PLA2G6: variants seen among roughly 807,000 people sequenced by gnomAD.
PLA2G6 encodes the protein 85/88 kDa calcium-independent phospholipase A2.
A neutral mutation model predicts 83.8 loss-of-function variants in PLA2G6; 62 were observed. The observed-to-expected ratio is 0.74, with a 90% CI of 0.60 to 0.91. PLA2G6 has a LOEUF of 0.91. Ranked by LOEUF, PLA2G6 falls within the 40% of genes least tolerant of loss-of-function variation. The pLI is 0.00. For missense variants in PLA2G6, 944 were observed against 1,102.0 expected (o/e 0.86, Z 2.03); for synonymous variants, 417 against 449.8 (o/e 0.93, Z 0.92).
intron 2 of PLA2G6, chr22:38,146,296 C>CA (rs1283898579): frequency 6.5e-6 from 1 of 154,850 alleles, no homozygotes; most frequent in Non-Finnish European, 1.4e-5. Flanking sequence ...CTCAGCCTCT[C>CA]AAAGTGCTAG....
At chr22:38,164,138 T>A (rs1469385486) in intron 2 of PLA2G6, among the ~76,000 whole-genome samples, 1 of 152,174 alleles carries the variant, frequency 6.6e-6, no homozygotes, top group Non-Finnish European at 1.5e-5. Context: ...GTATCTATGC[T>A]ATCATAGTGT....
At chr22:38,156,644 G>A (rs565037524) in intron 2 of PLA2G6, among the ~76,000 whole-genome samples, 4 of 151,900 alleles carry the variant, frequency 2.6e-5, no homozygotes, top group South Asian at 2.1e-4. Flanking sequence ...TAGTAGAGAC[G>A]GGGTTTCACT....
chr22:38,144,802 C>T (rs913345217), intron 3 of PLA2G6: 4 of 168,744 alleles, frequency 2.4e-5, no homozygotes, highest in East Asian at 1.8e-4. Flanking sequence ...AATAAGACTC[C>T]GTCTCAAAAT....
In PLA2G6 at chr22:38,174,197, C is replaced by T. The variant is rs563979331; in HGVS notation, c.-45-4726G>A. On this transcript the variant is annotated intron_variant, in intron 1 of 16. Coordinates refer to ENST00000332509, the MANE Select transcript of PLA2G6 (RefSeq NM_003560.4). ...GGATCACGAAATCAGGAGATTGAGA[C>T]CATCCTGGCTAACATGGTGAAACCC... Among the ~76,000 whole-genome samples the T allele has an allele frequency of 4.6e-5, 7 of 151,946 alleles. No individual in the cohort carries two copies. The South Asian group carries it at 6.2e-4, about 14-fold the overall frequency.
chr22:38,149,543 T>C (rs2145849014), intron 2 of PLA2G6: 1 of 152,302 alleles, frequency 6.6e-6, no homozygotes, highest in African/African-American at 2.4e-5. Flanking sequence ...ATAAAAGATC[T>C]AGCATACATA....
intron 2 of PLA2G6, among the ~76,000 whole-genome samples, chr22:38,168,847 C>G (rs2267367): frequency 0.067 from 10,138 of 151,998 alleles, 576 homozygotes; most frequent in East Asian, 0.31. Context: ...AAGACTGTCT[C>G]AAAAAACAAA....
intron 2 of PLA2G6, chr22:38,163,534 C>T (rs2090099177): frequency 5.9e-6 from 1 of 169,616 alleles, no homozygotes; most frequent in East Asian, 1.9e-4. Context: ...TGGAAACAGA[C>T]CCACGGCAAC....
At chr22:38,181,288 G>A (rs2090836595) in intron 1 of PLA2G6, among the ~76,000 whole-genome samples, 2 of 152,178 alleles carry the variant, frequency 1.3e-5, no homozygotes, top group African/African-American at 2.4e-5. Context: ...AGGGAGGAAA[G>A]GCAGGAGAAG....
intron 14 of PLA2G6, among the ~76,000 whole-genome samples, chr22:38,114,113 A>C (rs1602058712): frequency 6.6e-6 from 1 of 151,912 alleles, no homozygotes; most frequent in Non-Finnish European, 1.5e-5. Flanking sequence ...TCAGGCCGGG[A>C]AGCAGCTGCA....
rs1602305393 is a variant in PLA2G6, at chr22:38,179,059, T to C, written c.-46+2605A>G. Among the ~76,000 whole-genome samples the C allele has an allele frequency of 2.6e-5, 4 of 151,870 alleles. No individual in the cohort carries two copies. The South Asian group carries it at 8.3e-4, about 32-fold the overall frequency. On this transcript the variant is annotated intron_variant, in intron 1 of 16. Transcript: ENST00000332509. ...GGAAGTGCTGAGGTGGAGAGTGAAA[T>C]TTTAGATTGGGTGAGGAGAGAAGTC... is the stretch of plus-strand genomic sequence containing the variant.
chr22:38,160,356 T>A (rs1192720807), intron 2 of PLA2G6, among the ~76,000 whole-genome samples: 2 of 152,204 alleles, frequency 1.3e-5, no homozygotes, highest in African/African-American at 4.8e-5. Context: ...GCCAGTTCAC[T>A]TCTAGGTATG....
chr22:38,141,947 C>G (rs564824468), intron 4 of PLA2G6: 1 of 152,020 alleles, frequency 6.6e-6, no homozygotes, highest in African/African-American at 2.4e-5. Context: ...GTAATCCCGG[C>G]ATTTTGGGAG....
chr22:38,139,956 C>T (rs1214844785), intron 5 of PLA2G6, 26 bp downstream of exon 5: 3 of 1,548,450 alleles, frequency 1.9e-6, no homozygotes, highest in Non-Finnish European at 2.6e-6. Flanking sequence ...AGCAGGCCAG[C>T]AGATGGGGAG....
chr22:38,133,426 G>C, intron 6 of PLA2G6: 1 of 222,822 alleles, frequency 4.5e-6, no homozygotes, highest in East Asian at 1.1e-4. Context: ...ACAGGGAGGG[G>C]AGCCTGGCTT....
Position 38,112,206 on chromosome 22 carries a change from G to T in PLA2G6, c.2376C>A (p.His792Gln), listed in dbSNP as rs751982449. Residue 792 changes from histidine (H) to glutamine (Q), a missense_variant, in exon 17 of 17, where the codon CAC becomes CAA. By Grantham distance (24) the His-to-Gln change is conservative. Transcript: ENST00000332509. ...LWETEVYIYE[H>Q]REEFQKLIQL... ...GGATGAGCTTCTGGAACTCCTCGCG[G>T]TGCTCATAGATGTAGACCTCGGTCT... 20 of 1,608,644 alleles carry T rather than the reference G, an allele frequency of 1.2e-5. 1 individual carries two copies. The East Asian group carries it at 2.9e-4, about 23-fold the overall frequency.
At position 38,139,963 on chromosome 22, in the gene PLA2G6, G is replaced by T; in HGVS notation, c.797+19C>A. ...TGGAGCCCAGCAGGCCAGCAGATGG[G>T]GAGGGGAGGAGGTCTTACCCCTTCT... On this transcript the variant is annotated intron_variant, in intron 5 of 16. Transcript: ENST00000332509. 6.4e-7 allele frequency: 1 copy of T among 1,560,620 alleles called. No individual in the cohort carries two copies. Among genetic ancestry groups the T allele is most frequent in the Non-Finnish European group, 8.7e-7 (1 of 1,148,404 alleles).
In PLA2G6 at chr22:38,113,661, G is replaced by A. The variant is rs202161567; in HGVS notation, c.2035-7C>T. ...TCACCTTGTTGGCCTGACCCTGTTG[G>A]GAACAGGACAGGGGCAGTCAGAAGA... On this transcript the variant is annotated splice_region_variant and splice_polypyrimidine_tract_variant and intron_variant, in intron 14 of 16. Transcript: ENST00000332509. 4 of 1,613,412 alleles carry A rather than the reference G, an allele frequency of 2.5e-6. No homozygotes were observed. The highest frequency in any genetic ancestry group is 2.7e-5 in the African/African-American group (2 of 75,032).
chr22:38,141,804 C>T (rs908874618), intron 4 of PLA2G6: 2 of 151,906 alleles, frequency 1.3e-5, no homozygotes, highest in Non-Finnish European at 2.9e-5. Flanking sequence ...GTCTGCGCGG[C>T]ACCATGCTGG....
In PLA2G6 at chr22:38,129,645, T is replaced by G; in HGVS notation, c.1078-83A>C. 4.0e-6 allele frequency: 4 copies of G among 991,352 alleles called. 1 individual carries two copies. The South Asian group carries it at 5.1e-5, about 13-fold the overall frequency. The allele number at this position is 991,352 out of a possible 1,614,324, so 61.4% of individuals were successfully genotyped here. A position where few individuals can be genotyped will look rare whatever the true frequency, so the allele number is the denominator to read the frequency against. Reference sequence around the variant, plus strand: ...GGGCCCCTGGCTGCCAGCCCCAACCTGTCAACTCACCCAGCGGGCCTCTCC... The same window carrying G: ...GGGCCCCTGGCTGCCAGCCCCAACCGGTCAACTCACCCAGCGGGCCTCTCC... On this transcript the variant is annotated intron_variant, in intron 7 of 16. Transcript: ENST00000332509.
Sources: gnomAD v4.1 joint callset for allele counts (sites outside exome capture counted in the v4.1 genomes callset) on GRCh38, gnomAD v4.1.1 for gene constraint, MANE v1.5 for transcripts, NCBI Gene and HGNC (gene_info 2026-07-23, HGNC 2026-07-21) for gene names.